NAALADL2: variants seen among roughly 807,000 people sequenced by gnomAD.
The protein encoded by NAALADL2 is inactive N-acetylated-alpha-linked acidic dipeptidase-like protein 2.
Under a neutral mutation model 87.2 loss-of-function variants are expected in NAALADL2, and 76 were observed. That is an observed-to-expected ratio of 0.87 (90% CI 0.72 to 1.05). The LOEUF (loss-of-function observed/expected upper bound fraction) is 1.05. Among genes scored for constraint, NAALADL2 ranks in the 50% least tolerant of loss-of-function variants. The pLI is 0.00. For synonymous variants in NAALADL2, 354 were observed against 331.0 expected (o/e 1.07, Z -0.75); for missense variants, 1,089 against 945.8 (o/e 1.15, Z -1.99).
At chr3:174,783,716 G>A (rs1204093025) in intron 3 of NAALADL2, among the ~76,000 whole-genome samples, 1 of 152,058 alleles carries the variant, frequency 6.6e-6, no homozygotes, top group African/African-American at 2.4e-5. Context: ...TTTTCTGTCT[G>A]ACTCTGAAGT....
chr3:175,133,345 C>T (rs1313832377), intron 2 of NAALADL2, among the ~76,000 whole-genome samples: 6 of 152,184 alleles, frequency 3.9e-5, no homozygotes, highest in Admixed American at 1.3e-4. Context: ...GCTGCAATCT[C>T]GGCACTTTGG....
Position 175,362,757 on chromosome 3 carries a change from C to G in NAALADL2, c.1090+38432C>G, listed in dbSNP as rs752913750. 2.7e-5 allele frequency among the ~76,000 whole-genome samples: 4 copies of G among 148,054 alleles called. 1 individual carries two copies. Among genetic ancestry groups the G allele is most frequent in the Admixed American group, 6.9e-5 (1 of 14,518 alleles). The stretch of plus-strand genomic sequence containing the variant: ...CTTTTGGTTCTTTAAGGAATCGCCA[C>G]ACTGTTTTCCATAGTGGTTGTACTA... On this transcript the variant is annotated intron_variant, in intron 5 of 13. Transcript: ENST00000454872.
chr3:174,889,732 T>C (rs1293748321), intron 1 of NAALADL2, among the ~76,000 whole-genome samples: 5 of 152,198 alleles, frequency 3.3e-5, no homozygotes, highest in Admixed American at 2.0e-4. Flanking sequence ...AGAAATTCAA[T>C]TGATTATTTT....
chr3:175,243,331 C>CACACACAA (rs1747296430), intron 3 of NAALADL2, among the ~76,000 whole-genome samples: 1 of 151,208 alleles, frequency 6.6e-6, no homozygotes, highest in Non-Finnish European at 1.5e-5. Flanking sequence ...AACACACACA[C>CACACACAA]ACACACACAC....
At chr3:174,917,506 C>T (rs188921264) in intron 1 of NAALADL2, among the ~76,000 whole-genome samples, 40 of 152,108 alleles carry the variant, frequency 2.6e-4, no homozygotes, top group Middle Eastern at 3.4e-3. Context: ...CAGAAAATAT[C>T]CTCTGGATTT....
chr3:175,325,692 G>A (rs565166526), intron 5 of NAALADL2, among the ~76,000 whole-genome samples: 1 of 152,176 alleles, frequency 6.6e-6, no homozygotes, highest in Non-Finnish European at 1.5e-5. Flanking sequence ...CTTGCCCCAG[G>A]TCATTTCATA....
intron 3 of NAALADL2, among the ~76,000 whole-genome samples, chr3:174,739,992 G>A (rs1302895051): frequency 3.3e-5 from 5 of 152,002 alleles, no homozygotes; most frequent in Admixed American, 2.6e-4. Flanking sequence ...ATGCCGACTT[G>A]TATCTTATTA....
At chr3:174,710,807 A>G (rs534838317) in intron 2 of NAALADL2, among the ~76,000 whole-genome samples, 4 of 152,146 alleles carry the variant, frequency 2.6e-5, no homozygotes, top group Non-Finnish European at 4.4e-5. Context: ...TGTTGATGAA[A>G]TGCATTTTTT....
At chr3:175,494,104 A>T (rs1728485974) in intron 9 of NAALADL2, among the ~76,000 whole-genome samples, 1 of 149,486 alleles carries the variant, frequency 6.7e-6, no homozygotes, top group African/African-American at 2.5e-5. Flanking sequence ...CCATTTTGGA[A>T]ATTATACTGT....
At chr3:175,292,887 A>C (rs532935975) in intron 4 of NAALADL2, among the ~76,000 whole-genome samples, 8 of 151,944 alleles carry the variant, frequency 5.3e-5, no homozygotes, top group East Asian at 1.9e-4. Context: ...AATACAAAAA[A>C]TAAGCCGGGC....
chr3:174,670,014 T>A (rs911375437), intron 2 of NAALADL2, among the ~76,000 whole-genome samples: 2 of 152,088 alleles, frequency 1.3e-5, no homozygotes, highest in Non-Finnish European at 2.9e-5. Flanking sequence ...CTAATAAAAG[T>A]ATTTTATTGA....
chr3:174,665,632 G>A (rs1026509102), intron 2 of NAALADL2, among the ~76,000 whole-genome samples: 3 of 152,170 alleles, frequency 2.0e-5, no homozygotes, highest in African/African-American at 7.2e-5. Context: ...GCAATCTGAT[G>A]TTCCTTCATG....
chr3:175,403,369 A>G (rs1711704987), intron 5 of NAALADL2, among the ~76,000 whole-genome samples: 1 of 152,026 alleles, frequency 6.6e-6, no homozygotes, highest in African/African-American at 2.4e-5. Context: ...TGTCTAAGAG[A>G]TGCTTTTATT....
chr3:175,028,098 C>G (rs1001154486), intron 1 of NAALADL2, among the ~76,000 whole-genome samples: 2 of 151,996 alleles, frequency 1.3e-5, no homozygotes, highest in African/African-American at 2.4e-5. Context: ...TATCCCTTAA[C>G]AGGAGTAAAA....
chr3:175,129,290 TTG>T (rs527842144), intron 2 of NAALADL2, among the ~76,000 whole-genome samples: 4 of 151,112 alleles, frequency 2.6e-5, no homozygotes, highest in South Asian at 2.1e-4. Flanking sequence ...AGTTACCATT[TTG>T]TGTGTGTGTG....
At chr3:175,412,890 AT>A (rs1298212013) in intron 5 of NAALADL2, among the ~76,000 whole-genome samples, 8 of 53,926 alleles carry the variant, frequency 1.5e-4, no homozygotes, top group African/African-American at 5.4e-4. Flanking sequence ...TATTTAATTT[AT>A]TTATTATTAT....
chr3:174,793,426 A>T (rs1717697458), intron 3 of NAALADL2, among the ~76,000 whole-genome samples: 1 of 152,194 alleles, frequency 6.6e-6, no homozygotes, highest in Non-Finnish European at 1.5e-5. Context: ...ACTTTCATTC[A>T]GTAAATAGTT....
chr3:174,811,160 C>A (rs1201213073), intron 3 of NAALADL2, among the ~76,000 whole-genome samples: 1 of 152,110 alleles, frequency 6.6e-6, no homozygotes, highest in Non-Finnish European at 1.5e-5. Context: ...AGACCCTCTA[C>A]TAGGCCAGTA....
intron 5 of NAALADL2, among the ~76,000 whole-genome samples, chr3:175,402,325 G>A (rs1320837028): frequency 1.3e-5 from 2 of 151,982 alleles, no homozygotes; most frequent in Admixed American, 6.6e-5. Context: ...ACAAATATGA[G>A]CTGATTACCC....
Sources: allele counts gnomAD v4.1 joint callset (sites outside exome capture counted in the v4.1 genomes callset), GRCh38; gene constraint gnomAD v4.1.1; transcripts MANE v1.5; gene names NCBI Gene and HGNC (gene_info 2026-07-23, HGNC 2026-07-21).